Variants in DNAH6 observed in about 807,000 individuals in gnomAD.
DNAH6 encodes dynein axonemal heavy chain 6.
Under a neutral mutation model 491.4 loss-of-function variants are expected in DNAH6, and 340 were observed. The observed-to-expected ratio is 0.69, with a 90% CI of 0.63 to 0.76. DNAH6 has a LOEUF of 0.76. Among genes scored for constraint, DNAH6 ranks in the 30% least tolerant of loss-of-function variants. The pLI is 0.00. For missense variants in DNAH6, 4,443 were observed against 4,972.2 expected, an observed-to-expected ratio of 0.89 and a Z score of 3.20; for synonymous variants, 1,603 against 1,686.1, an observed-to-expected ratio of 0.95 and a Z score of 1.21.
chr2:84,702,629 G>A (rs776190061), intron 49 of DNAH6, among the ~76,000 whole-genome samples: 10 of 144,882 alleles, frequency 6.9e-5, no homozygotes, highest in South Asian at 2.3e-4. Flanking sequence ...TGCAACCTCC[G>A]CCTCCCAGGT....
chr2:84,481,694 C>T, the DNAH6 span, among the ~76,000 whole-genome samples: 28 of 152,280 alleles, frequency 1.8e-4, no homozygotes, highest in Non-Finnish European at 3.1e-4. Context: ...CCTCCTCTAT[C>T]CCCATTTGTG....
chr2:84,554,218 G>A (rs1051021355), intron 10 of DNAH6, among the ~76,000 whole-genome samples: 3 of 152,146 alleles, frequency 2.0e-5, no homozygotes, highest in African/African-American at 7.2e-5. Flanking sequence ...ATCTATCAAG[G>A]ATAATCACTT....
intron 39 of DNAH6, 72 bp downstream of exon 39, chr2:84,670,547 G>C: frequency 9.6e-7 from 1 of 1,043,102 alleles, no homozygotes; most frequent in Non-Finnish European, 1.4e-6. Context: ...AATAGTGCAT[G>C]TAATAAAATG....
the DNAH6 span, among the ~76,000 whole-genome samples, chr2:84,484,420 A>G: frequency 6.6e-6 from 1 of 152,256 alleles, no homozygotes; most frequent in Admixed American, 6.5e-5. Context: ...GTTGTACTAC[A>G]TGATGCAGAC....
At chr2:84,763,439 T>A (rs970269734) in intron 64 of DNAH6, among the ~76,000 whole-genome samples, 1 of 152,192 alleles carries the variant, frequency 6.6e-6, no homozygotes, top group Non-Finnish European at 1.5e-5. Context: ...TTGGTTTTTT[T>A]TAATGAAAGT....
chr2:84,790,313 A>G (rs776021943), intron 68 of DNAH6, among the ~76,000 whole-genome samples: 3 of 152,218 alleles, frequency 2.0e-5, no homozygotes, highest in Admixed American at 6.5e-5. Flanking sequence ...CTTAGAAGAA[A>G]GCTTTGGAGT....
chr2:84,602,179 C>T (rs545758423), intron 18 of DNAH6, among the ~76,000 whole-genome samples: 1 of 152,030 alleles, frequency 6.6e-6, no homozygotes, highest in Non-Finnish European at 1.5e-5. Context: ...TCCAGTGTTC[C>T]TCATTGCTTT....
chr2:84,557,327 T>C (rs1680136062), intron 10 of DNAH6, among the ~76,000 whole-genome samples: 1 of 152,230 alleles, frequency 6.6e-6, no homozygotes, highest in Non-Finnish European at 1.5e-5. Flanking sequence ...GTTATTCTTA[T>C]TTATTTTAGC....
At chr2:84,714,006 G>A (rs924334705) in intron 57 of DNAH6, among the ~76,000 whole-genome samples, 2 of 152,146 alleles carry the variant, frequency 1.3e-5, no homozygotes, top group African/African-American at 4.8e-5. Context: ...CAACAGAAAT[G>A]AAGACAGCTG....
At chr2:84,631,678 T>C (rs10189002) in intron 29 of DNAH6, among the ~76,000 whole-genome samples, 20,999 of 151,794 alleles carry the variant, frequency 0.14, 2,251 homozygotes, top group African/African-American at 0.3. Flanking sequence ...ATCCCAAGGG[T>C]TGCCGGCAAC....
intron 5 of DNAH6, among the ~76,000 whole-genome samples, chr2:84,544,798 A>T (rs1374428264): frequency 6.6e-6 from 1 of 152,098 alleles, no homozygotes; most frequent in Non-Finnish European, 1.5e-5. Context: ...TAGGAAAGTT[A>T]TATGTCATTT....
At chr2:84,508,695 T>A in the DNAH6 span, among the ~76,000 whole-genome samples, 1 of 152,334 alleles carries the variant, frequency 6.6e-6, no homozygotes, top group Admixed American at 6.5e-5. Flanking sequence ...CTTTCTCTTA[T>A]GGGCATTTAG....
At chr2:84,764,188 C>T (rs1201504994) in intron 64 of DNAH6, among the ~76,000 whole-genome samples, 1 of 152,064 alleles carries the variant, frequency 6.6e-6, no homozygotes, top group Non-Finnish European at 1.5e-5. Context: ...AGTTGACACA[C>T]AAAATTAATC....
At chr2:84,511,530 C>T (rs1004775489), upstream of DNAH6, among the ~76,000 whole-genome samples, 7 of 152,282 alleles carry the variant, frequency 4.6e-5, no homozygotes, top group African/African-American at 1.4e-4. Context: ...CCGGGTGAGG[C>T]GATGCCTCGC....
At chr2:84,619,200 T>C (rs1687161819) in intron 23 of DNAH6, among the ~76,000 whole-genome samples, 1 of 152,184 alleles carries the variant, frequency 6.6e-6, no homozygotes, top group South Asian at 2.1e-4. Context: ...AGCAAATGCC[T>C]TTGGGTTAAG....
chr2:84,495,505 A>C, the DNAH6 span, among the ~76,000 whole-genome samples: 1 of 152,158 alleles, frequency 6.6e-6, no homozygotes, highest in Non-Finnish European at 1.5e-5. Context: ...CTTAGAGATC[A>C]CCTCTGCAAA....
At position 84,653,371 on chromosome 2, in the gene DNAH6, G is replaced by T. The variant is rs979302185; in HGVS notation, c.5131G>T (p.Gly1711Cys). 7.1e-6 allele frequency: 11 copies of T among 1,549,138 alleles called. No homozygotes were observed. Among genetic ancestry groups the T allele is most frequent in the Non-Finnish European group, 8.7e-6 (10 of 1,145,572 alleles). The change falls in exon 34 of 77, where the codon GGT (glycine) becomes TGT (cysteine). Residue 1711 changes from glycine to cysteine, a missense_variant. Around this residue, in one of 3 missense-constraint regions of DNAH6, gnomAD observed 2,977 missense variants for 3,296.6 expected, o/e 0.90. Transcript: ENST00000389394. ...AGTCCAAATTCCAGAACATGATTAT[G>T]GTATTTTACAATCAACAATTGTGGA... is the stretch of plus-strand genomic sequence containing the variant. ...PGVQIPEHDYGILQSTIVDVM... is the reference protein window; with the variant it reads ...PGVQIPEHDYCILQSTIVDVM...
At chr2:84,562,737 T>C (rs1206708263) in intron 11 of DNAH6, among the ~76,000 whole-genome samples, 1 of 152,216 alleles carries the variant, frequency 6.6e-6, no homozygotes, top group Admixed American at 6.5e-5. Context: ...GGGAGGCACT[T>C]AATTCCTCCA....
chr2:84,642,952 T>C (rs1426671260), intron 33 of DNAH6, among the ~76,000 whole-genome samples: 1 of 152,210 alleles, frequency 6.6e-6, no homozygotes, highest in East Asian at 1.9e-4. Flanking sequence ...TTACCTTCAA[T>C]TATGCCATGC....
Sources: allele counts gnomAD v4.1 joint callset (sites outside exome capture counted in the v4.1 genomes callset), GRCh38; gene constraint gnomAD v4.1.1; regional missense constraint gnomAD v4.1.1; transcripts MANE v1.5; gene names NCBI Gene and HGNC (gene_info 2026-07-23, HGNC 2026-07-21).